The following SRPK2 variants were observed in gnomAD, a reference collection of about 807,000 sequenced individuals.
The protein encoded by SRPK2 is SRSF protein kinase 2.
A neutral mutation model predicts 90.8 loss-of-function variants in SRPK2; 21 were observed. That is an observed-to-expected ratio of 0.23 (90% confidence interval 0.16 to 0.33). The LOEUF (loss-of-function observed/expected upper bound fraction) is 0.33. Among genes scored for constraint, SRPK2 ranks in the 10% least tolerant of loss-of-function variants. The pLI, the probability that SRPK2 is intolerant of heterozygous loss-of-function variation, is 1.00. For missense variants in SRPK2, 620 were observed against 869.0 expected (o/e 0.71, Z 3.60); for synonymous variants, 288 against 311.1 (o/e 0.93, Z 0.78).
intron 2 of SRPK2, chr7:105,301,991 GA>G (rs1810607216): frequency 1.2e-6 from 2 of 1,603,596 alleles, no homozygotes; most frequent in African/African-American, 2.7e-5. Context: ...TAAGCTGGCA[GA>G]CAAAACAGAT....
chr7:105,283,689 T>C (rs1301760133), intron 2 of SRPK2, among the ~76,000 whole-genome samples: 1 of 152,132 alleles, frequency 6.6e-6, no homozygotes, highest in African/African-American at 2.4e-5. Context: ...TATGTAATAG[T>C]GGTAGTTTCA....
intron 6 of SRPK2, 121 bp from the exon 7 acceptor site, chr7:105,160,734 A>T (rs1807491648): frequency 1.8e-6 from 1 of 562,244 alleles, no homozygotes; most frequent in African/African-American, 1.9e-5. Context: ...CATCAACCCT[A>T]TCAGTAATAC....
intron 7 of SRPK2, 55 bp from the exon 8 acceptor site, chr7:105,146,713 C>G: frequency 3.2e-6 from 5 of 1,540,226 alleles, no homozygotes; most frequent in Admixed American, 3.6e-5. Flanking sequence ...CATTATATAA[C>G]TTTTATTTAT....
intron 2 of SRPK2, among the ~76,000 whole-genome samples, chr7:105,377,605 G>T (rs1820456433): frequency 6.6e-6 from 1 of 152,102 alleles, no homozygotes; most frequent in African/African-American, 2.4e-5. Flanking sequence ...GGCTGAGGTG[G>T]GAGAATTGCT....
At chr7:105,347,691 C>CA (rs997827363) in intron 2 of SRPK2, among the ~76,000 whole-genome samples, 15 of 151,368 alleles carry the variant, frequency 9.9e-5, no homozygotes, top group African/African-American at 3.1e-4. Flanking sequence ...CCCATCTCTG[C>CA]AAAAAAATTT....
intron 2 of SRPK2, chr7:105,306,618 T>C: frequency 5.1e-6 from 2 of 395,580 alleles, no homozygotes; most frequent in South Asian, 3.7e-5. Flanking sequence ...GTTGGCTAAC[T>C]GCTATCCTCT....
upstream of SRPK2, chr7:105,389,035 G>T: frequency 2.2e-6 from 2 of 924,260 alleles, no homozygotes; most frequent in South Asian, 5.1e-5. Flanking sequence ...CCCCAGCGCC[G>T]CGCGCCCAGC....
At chr7:105,145,968 C>T (rs1235013117) in intron 8 of SRPK2, among the ~76,000 whole-genome samples, 2 of 152,130 alleles carry the variant, frequency 1.3e-5, no homozygotes, top group Non-Finnish European at 2.9e-5. Flanking sequence ...AAGCACAGTC[C>T]ACACTTCACT....
chr7:105,190,668 C>T (rs566275105), intron 3 of SRPK2, among the ~76,000 whole-genome samples: 1 of 152,308 alleles, frequency 6.6e-6, no homozygotes, highest in Non-Finnish European at 1.5e-5. Flanking sequence ...CACTGTTAGA[C>T]TATCAGGTGT....
rs1438937873 is a variant in SRPK2, at chr7:105,221,658, AC to A, written c.72-17874del. 3.3e-5 allele frequency among the ~76,000 whole-genome samples: 5 copies of A among 151,186 alleles called. No homozygotes were observed. The South Asian group carries it at 1.1e-3, about 32-fold the overall frequency. ...TTTTCTGTGGTGTCTCCCTTATATA[AC>A]CCCCTGTCCACAACAGTCCTAACCA... is the stretch of plus-strand genomic sequence containing the variant. On this transcript the variant is annotated intron_variant, in intron 2 of 15. Coordinates refer to ENST00000393651, the MANE Select transcript of SRPK2 (RefSeq NM_182692.3).
At chr7:105,312,460 G>A (rs117362495) in intron 2 of SRPK2, among the ~76,000 whole-genome samples, 884 of 53,384 alleles carry the variant, frequency 0.017, 3 homozygotes, top group Non-Finnish European at 0.026. Flanking sequence ...AAAAACAAGC[G>A]GGGGTAGATG....
chr7:105,265,533 A>G (rs571377625), intron 2 of SRPK2, among the ~76,000 whole-genome samples: 1 of 152,220 alleles, frequency 6.6e-6, no homozygotes, highest in South Asian at 2.1e-4. Context: ...TATTACTACT[A>G]CTACTCTCCC....
At chr7:105,369,483 T>C (rs540943086) in intron 2 of SRPK2, among the ~76,000 whole-genome samples, 3 of 152,234 alleles carry the variant, frequency 2.0e-5, no homozygotes, top group Admixed American at 1.3e-4. Context: ...ATTCTGCTAC[T>C]ACAAAGTAAG....
At chr7:105,170,901 AAGAAAGAAAGAAAGG>A (rs1790892279) in intron 3 of SRPK2, among the ~76,000 whole-genome samples, 1 of 123,322 alleles carries the variant, frequency 8.1e-6, no homozygotes, top group Non-Finnish European at 1.7e-5. Context: ...GAAAGAAAGA[AAGAAAGAAAGAAAGG>A]AGAAAGAAAA....
At chr7:105,182,856 A>G (rs1230973353) in intron 3 of SRPK2, among the ~76,000 whole-genome samples, 1 of 152,246 alleles carries the variant, frequency 6.6e-6, no homozygotes, top group Non-Finnish European at 1.5e-5. Flanking sequence ...AAGGAGGGAA[A>G]GTAAACTACT....
At chr7:105,212,933 T>C (rs1174019445) in intron 2 of SRPK2, among the ~76,000 whole-genome samples, 1 of 152,074 alleles carries the variant, frequency 6.6e-6, no homozygotes, top group Non-Finnish European at 1.5e-5. Context: ...AACAATTAGG[T>C]ATTACAACTA....
intron 2 of SRPK2, among the ~76,000 whole-genome samples, chr7:105,347,352 G>A (rs1029655349): frequency 2.6e-5 from 4 of 151,778 alleles, no homozygotes; most frequent in Admixed American, 6.6e-5. Context: ...CACCATGCCT[G>A]GCTAATTTTT....
chr7:105,172,770 G>A (rs1172286959), intron 3 of SRPK2, among the ~76,000 whole-genome samples: 1 of 152,184 alleles, frequency 6.6e-6, no homozygotes, highest in Non-Finnish European at 1.5e-5. Context: ...CCTGGTCTTA[G>A]TACACAGAAA....
At chr7:105,299,247 T>C (rs146398105) in intron 2 of SRPK2, among the ~76,000 whole-genome samples, 90 of 152,370 alleles carry the variant, frequency 5.9e-4, no homozygotes, top group African/African-American at 1.9e-3. Context: ...TGCAAAGCTC[T>C]ATCAAGCTTT....
Sources: allele counts gnomAD v4.1 joint callset (sites outside exome capture counted in the v4.1 genomes callset), GRCh38; gene constraint gnomAD v4.1.1; transcripts MANE v1.5; gene names NCBI Gene and HGNC (gene_info 2026-07-23, HGNC 2026-07-21).